The following NXN variants were observed in gnomAD, a reference collection of about 807,000 sequenced individuals.
NXN encodes nucleoredoxin 1.
A neutral mutation model predicts 48.6 loss-of-function variants in NXN; 16 were observed. That is an observed-to-expected ratio of 0.33 (90% CI 0.22 to 0.50). The LOEUF (loss-of-function observed/expected upper bound fraction) is 0.50, where lower values mean the gene tolerates loss of function less well. Ranked by LOEUF, NXN falls within the 20% of genes least tolerant of loss-of-function variation. The pLI is 0.98. For synonymous variants in NXN, 281 were observed against 269.6 expected (o/e 1.04, Z -0.41); for missense variants, 492 against 605.5 (o/e 0.81, Z 1.97).
At chr17:867,918 T>A (rs1451041754) in intron 1 of NXN, among the ~76,000 whole-genome samples, 1 of 150,910 alleles carries the variant, frequency 6.6e-6, no homozygotes, top group African/African-American at 2.4e-5. Context: ...AAGTCTTAAA[T>A]GTACCTTGCA....
intron 1 of NXN, among the ~76,000 whole-genome samples, chr17:862,940 G>T (rs953233067): frequency 6.6e-6 from 1 of 152,150 alleles, no homozygotes; most frequent in African/African-American, 2.4e-5. Flanking sequence ...ATTATTGCTA[G>T]GAAGAGAACA....
At chr17:868,522 C>T (rs867239767) in intron 1 of NXN, among the ~76,000 whole-genome samples, 7 of 151,970 alleles carry the variant, frequency 4.6e-5, no homozygotes, top group Middle Eastern at 3.2e-3. Context: ...GACGGAGTCT[C>T]GCTCTGTCGC....
At chr17:925,992 C>T (rs1364898397) in intron 1 of NXN, among the ~76,000 whole-genome samples, 1 of 152,260 alleles carries the variant, frequency 6.6e-6, no homozygotes, top group African/African-American at 2.4e-5. Context: ...AGCTGATTCT[C>T]GTTGCAAAAG....
chr17:934,864 G>A (rs902884831), intron 1 of NXN, among the ~76,000 whole-genome samples: 7 of 151,938 alleles, frequency 4.6e-5, no homozygotes, highest in Admixed American at 2.6e-4. Context: ...ACAGGAAGAC[G>A]CCATCTCAAA....
In NXN at chr17:830,306, T is replaced by C. The variant is rs1913385090; in HGVS notation, c.361-4228A>G. ...TACCCTCGTGGGGCTCCTCCTCCAG[T>C]GGGAGAGGCAGACAATAAACAAGAA... is the stretch of plus-strand genomic sequence containing the variant. On this transcript the variant is annotated intron_variant, in intron 1 of 7. Coordinates refer to ENST00000336868, the MANE Select transcript of NXN (RefSeq NM_022463.5). The surrounding 1 kb of genome is among the most constrained non-coding windows in gnomAD (Gnocchi z 4.2). Among the ~76,000 whole-genome samples, 1 of 151,686 alleles carries C rather than the reference T, an allele frequency of 6.6e-6. No individual in the cohort carries two copies. The highest frequency in any genetic ancestry group is 2.4e-5 in the African/African-American group (1 of 41,284).
intron 1 of NXN, among the ~76,000 whole-genome samples, chr17:882,036 C>T (rs930372183): frequency 1.3e-5 from 2 of 151,752 alleles, no homozygotes; most frequent in Non-Finnish European, 2.9e-5. Context: ...ATCGGTATAA[C>T]AGCTGTTCAA....
chr17:957,056 C>T (rs567641706), intron 1 of NXN, among the ~76,000 whole-genome samples: 1 of 152,324 alleles, frequency 6.6e-6, no homozygotes, highest in African/African-American at 2.4e-5. Flanking sequence ...TCATTTATTT[C>T]TCTGCATCCT....
At chr17:911,782 T>A (rs1459028942) in intron 1 of NXN, among the ~76,000 whole-genome samples, 4 of 145,292 alleles carry the variant, frequency 2.8e-5, no homozygotes, top group Non-Finnish European at 3.1e-5. Flanking sequence ...TTTTTTTTTT[T>A]AATGTCTAAC....
At chr17:869,757 C>T (rs928539760) in intron 1 of NXN, among the ~76,000 whole-genome samples, 8 of 152,336 alleles carry the variant, frequency 5.3e-5, no homozygotes, top group African/African-American at 1.7e-4. Context: ...CGCTCTTTTT[C>T]ACTTCCTCTG....
chr17:799,967 T>C lies in NXN; in HGVS notation c.*982A>G, dbSNP rs538435. Reference sequence around the variant, plus strand: ...CCCATCTCTACTAAAAATACAAAAATTAGCCAGGTACGGTGGCGGGTGCCT... The same window carrying C: ...CCCATCTCTACTAAAAATACAAAAACTAGCCAGGTACGGTGGCGGGTGCCT... On this transcript the variant is annotated 3_prime_UTR_variant, in exon 8 of 8. Coordinates refer to ENST00000336868, the MANE Select transcript of NXN (RefSeq NM_022463.5). 0.52 allele frequency: 78,558 copies of C among 151,636 alleles called. 21,396 individuals are homozygous for C. The highest frequency in any genetic ancestry group is 0.79 in the East Asian group (4,039 of 5,134). The allele number at this position is 151,636 out of a possible 1,614,324, so 9.4% of individuals were successfully genotyped here.
chr17:904,089 G>A (rs1326970993), intron 1 of NXN, among the ~76,000 whole-genome samples: 2 of 152,214 alleles, frequency 1.3e-5, no homozygotes, highest in African/African-American at 4.8e-5. Flanking sequence ...GGTGATTCAT[G>A]TAGAATTCCT....
rs2068861006 is a variant in NXN at position 932,060 on chromosome 17, C to T, written c.360+47259G>A. On this transcript the variant is annotated intron_variant, in intron 1 of 7. Transcript: ENST00000336868. This position sits in a 1 kb window ranked among gnomAD's most constrained non-coding sequence, Gnocchi z 4.1. ...TGGGGAGGCTGAGGCAGGAGAATCG[C>T]TTGAACCTGGGAGACGGAGGTTGCA... 6.6e-6 allele frequency among the ~76,000 whole-genome samples: 1 copy of T among 151,676 alleles called. No individual in the cohort carries two copies. Among genetic ancestry groups the T allele is most frequent in the African/African-American group, 2.4e-5 (1 of 41,040 alleles).
intron 1 of NXN, among the ~76,000 whole-genome samples, chr17:853,719 ATATATTT>A (rs1567834469): frequency 9.8e-6 from 1 of 101,846 alleles, no homozygotes; most frequent in African/African-American, 5.6e-5. Context: ...ATATATATAT[ATATATTT>A]TTTTTTTTTT....
intron 1 of NXN, among the ~76,000 whole-genome samples, chr17:834,193 A>C (rs1349412987): frequency 1.3e-5 from 2 of 152,004 alleles, no homozygotes; most frequent in African/African-American, 4.8e-5. Context: ...CGTGGTGGCC[A>C]CTCCTGTAGC....
At chr17:883,360 G>A (rs369920075) in intron 1 of NXN, among the ~76,000 whole-genome samples, 1 of 140,936 alleles carries the variant, frequency 7.1e-6, no homozygotes, top group African/African-American at 2.6e-5. Context: ...CCTGCCCCCC[G>A]CCCAGAACTC....
chr17:833,190 C>T (rs536904678), intron 1 of NXN, among the ~76,000 whole-genome samples: 4 of 152,222 alleles, frequency 2.6e-5, no homozygotes, highest in East Asian at 1.9e-4. Flanking sequence ...CGCACCCGGC[C>T]GAAAAGTTAT....
intron 3 of NXN, among the ~76,000 whole-genome samples, chr17:822,700 G>A (rs1912883139): frequency 6.6e-6 from 1 of 152,106 alleles, no homozygotes; most frequent in Non-Finnish European, 1.5e-5. Context: ...CCTGCATGAG[G>A]CAAAAATAAA....
chr17:916,065 T>C (rs973394651), intron 1 of NXN, among the ~76,000 whole-genome samples: 1 of 152,360 alleles, frequency 6.6e-6, no homozygotes, highest in South Asian at 2.1e-4. Context: ...TGCCAAGCCA[T>C]TGTTCTACTC....
At chr17:897,185 G>A (rs911171194) in intron 1 of NXN, among the ~76,000 whole-genome samples, 2 of 152,186 alleles carry the variant, frequency 1.3e-5, no homozygotes, top group Non-Finnish European at 2.9e-5. Flanking sequence ...CAGGCTTGCA[G>A]GGAGGCGAAT....
Sources: gnomAD v4.1 joint callset for allele counts (sites outside exome capture counted in the v4.1 genomes callset) on GRCh38, gnomAD v4.1.1 for gene constraint, Gnocchi (gnomAD v3.1) non-coding constraint, MANE v1.5 for transcripts, NCBI Gene and HGNC (gene_info 2026-07-23, HGNC 2026-07-21) for gene names.